The following CNGB3 variants were observed in gnomAD, a reference collection of about 807,000 sequenced individuals.
CNGB3 encodes cyclic nucleotide-gated channel beta-3.
CNGB3 carries 86 observed loss-of-function variants against 92.8 expected under a neutral mutation model. The observed-to-expected ratio is 0.93, with a 90% CI of 0.78 to 1.11. The LOEUF (loss-of-function observed/expected upper bound fraction) is 1.11. Among genes scored for constraint, CNGB3 ranks in the 50% least tolerant of loss-of-function variants. CNGB3 has a pLI of 0.00. For missense variants in CNGB3, 1,026 were observed against 956.8 expected (o/e 1.07, Z -0.95); for synonymous variants, 333 against 332.7 (o/e 1.00, Z -0.01).
At chr8:86,658,046 T>G in intron 6 of CNGB3, 2 of 537,246 alleles carry the variant, frequency 3.7e-6, no homozygotes, top group South Asian at 3.2e-5. Flanking sequence ...ATGAGCTCCA[T>G]AAAGTGGCTC....
In CNGB3 at chr8:86,668,087, A is replaced by C; in HGVS notation, c.575T>G (p.Val192Gly). The C allele has an allele frequency of 1.2e-6, 2 of 1,613,712 alleles. No individual in the cohort carries two copies. The highest frequency in any genetic ancestry group is 1.7e-6 in the Non-Finnish European group (2 of 1,179,890). The change falls in exon 5 of 18, where the codon GTC (valine) becomes GGC (glycine). Residue 192 changes from valine (V) to glycine (G), a missense_variant. Physicochemically the swap from Val to Gly is moderately radical, Grantham distance 109. Transcript: ENST00000320005. ...EHYYRLLWFK[V>G]KKMPLTEYLK... Reference sequence around the variant, plus strand: ...GTACTCTGTTAAAGGCATCTTTTTGACTTTGAACCACAACAGCCTGTAGTA... The same window carrying C: ...GTACTCTGTTAAAGGCATCTTTTTGCCTTTGAACCACAACAGCCTGTAGTA...
At chr8:86,643,933 T>C in intron 9 of CNGB3, 60 bp from the exon 10 acceptor site, 1 of 1,575,952 alleles carries the variant, frequency 6.3e-7, no homozygotes, top group Admixed American at 1.7e-5. Flanking sequence ...CAGCCTATTT[T>C]AACATTTTCT....
At chr8:86,608,483 T>C (rs1283142387) in intron 14 of CNGB3, among the ~76,000 whole-genome samples, 1 of 152,012 alleles carries the variant, frequency 6.6e-6, no homozygotes, top group Admixed American at 6.5e-5. Flanking sequence ...CCTGGGGGAG[T>C]TTAGAGAAGA....
chr8:86,684,860 A>G (rs1297564068), intron 3 of CNGB3, among the ~76,000 whole-genome samples: 4 of 152,170 alleles, frequency 2.6e-5, no homozygotes, highest in African/African-American at 7.2e-5. Flanking sequence ...ACAGTGCAAC[A>G]TGAGGGATCT....
intron 3 of CNGB3, among the ~76,000 whole-genome samples, chr8:86,674,068 T>A (rs1201181598): frequency 2.0e-5 from 3 of 152,238 alleles, no homozygotes; most frequent in African/African-American, 7.2e-5. Flanking sequence ...CACCCACTAC[T>A]TTTAACAATT....
intron 8 of CNGB3, among the ~76,000 whole-genome samples, chr8:86,646,391 C>T (rs537218449): frequency 1.3e-5 from 2 of 151,138 alleles, no homozygotes; most frequent in East Asian, 3.9e-4. Context: ...CTGAGGCCTA[C>T]CCAGTCAATC....
chr8:86,611,835 A>G (rs1159581448), intron 13 of CNGB3, among the ~76,000 whole-genome samples, 164 bp from the exon 14 acceptor site: 1 of 152,150 alleles, frequency 6.6e-6, no homozygotes, highest in Non-Finnish European at 1.5e-5. Context: ...ATTTAGAAAA[A>G]AAATACCTAT....
At chr8:86,628,799 A>T in intron 12 of CNGB3, 120 bp downstream of exon 12, 1 of 1,070,902 alleles carries the variant, frequency 9.3e-7, no homozygotes, top group Non-Finnish European at 1.4e-6. Context: ...CGAATGCTTT[A>T]AGGATCATTT....
At chr8:86,678,356 C>T (rs1188320556) in intron 3 of CNGB3, among the ~76,000 whole-genome samples, 2 of 152,144 alleles carry the variant, frequency 1.3e-5, no homozygotes, top group Non-Finnish European at 2.9e-5. Context: ...TATAACTCAA[C>T]CAAGTCTCAC....
chr8:86,604,122 C>T lies in CNGB3; in HGVS notation c.1752G>A (p.Leu584=), dbSNP rs1822366057. Residue 584 remains leucine (L), a synonymous_variant, in exon 15 of 18, where the codon CTG becomes CTA. Transcript: ENST00000320005. The part of the protein sequence containing the change: ...GPDGTKVLVT[L]KAGSVFGEIS... ...TTTCTCCAAACACCGACCCAGCTTT[C>T]AGAGTAACCAGAACTTTAGTACCAT... 5 of 1,613,002 alleles carry T rather than the reference C, an allele frequency of 3.1e-6. No homozygotes were observed. The South Asian group carries it at 5.5e-5, about 18-fold the overall frequency.
At chr8:86,694,977 A>G (rs1241559290) in intron 3 of CNGB3, among the ~76,000 whole-genome samples, 2 of 152,186 alleles carry the variant, frequency 1.3e-5, no homozygotes, top group African/African-American at 4.8e-5. Context: ...GCGAGCCGAG[A>G]TCACGCCACT....
intron 13 of CNGB3, among the ~76,000 whole-genome samples, chr8:86,615,883 T>G (rs950954042): frequency 6.6e-6 from 1 of 152,214 alleles, no homozygotes; most frequent in Admixed American, 6.5e-5. Context: ...GGAGAACTGA[T>G]GAAACTTCAA....
At chr8:86,591,628 G>A (rs1157685251) in intron 15 of CNGB3, among the ~76,000 whole-genome samples, 1 of 152,186 alleles carries the variant, frequency 6.6e-6, no homozygotes, top group Admixed American at 6.5e-5. Flanking sequence ...CCCTGCTGGA[G>A]GGTGCCTCCC....
At chr8:86,685,744 T>A (rs186223252) in intron 3 of CNGB3, among the ~76,000 whole-genome samples, 102 of 152,176 alleles carry the variant, frequency 6.7e-4, no homozygotes, top group African/African-American at 2.4e-3. Context: ...GAAGTGAAAA[T>A]AATTAGAACT....
intron 15 of CNGB3, chr8:86,594,506 C>T (rs1822126140): frequency 9.7e-6 from 3 of 308,446 alleles, no homozygotes; most frequent in Admixed American, 4.2e-5. Context: ...GCTCTGGAAG[C>T]CAGCCTTGTC....
intron 15 of CNGB3, among the ~76,000 whole-genome samples, chr8:86,592,335 C>T (rs1272529499): frequency 6.6e-6 from 1 of 152,254 alleles, no homozygotes; most frequent in African/African-American, 2.4e-5. Context: ...TAGACTGGAA[C>T]TGTTCCTATT....
intron 7 of CNGB3, among the ~76,000 whole-genome samples, chr8:86,653,584 A>G (rs1483772141): frequency 2.0e-5 from 3 of 152,206 alleles, no homozygotes; most frequent in African/African-American, 7.2e-5. Flanking sequence ...GGAACGTTCC[A>G]TGTTATCTAA....
Position 86,694,049 on chromosome 8 carries a change from G to A in CNGB3, c.339-22951C>T, listed in dbSNP as rs1306347296. Among the ~76,000 whole-genome samples, 13 of 133,104 alleles carry A rather than the reference G, an allele frequency of 9.8e-5. No individual in the cohort carries two copies. In the South Asian group the frequency reaches 1.1e-3, roughly 11 times the overall value. The allele number at this position is 133,104 out of a possible 152,430, so 87.3% of individuals were successfully genotyped here. A position where few individuals can be genotyped will look rare whatever the true frequency, so the allele number is the denominator to read the frequency against. ...CGGGCAGAGGCGCCCCTCACCTCCC[G>A]GACGGGGCGGCTGGCCGGGCGGGGG... On this transcript the variant is annotated intron_variant, in intron 3 of 17. Coordinates refer to ENST00000320005, the MANE Select transcript of CNGB3 (RefSeq NM_019098.5).
chr8:86,595,335 C>T (rs1585957422), intron 15 of CNGB3, among the ~76,000 whole-genome samples: 2 of 152,144 alleles, frequency 1.3e-5, no homozygotes, highest in African/African-American at 4.8e-5. Flanking sequence ...TCTGCTCTTC[C>T]AAATGGTGGC....
Sources: allele counts gnomAD v4.1 joint callset (sites outside exome capture counted in the v4.1 genomes callset), GRCh38; gene constraint gnomAD v4.1.1; transcripts MANE v1.5; gene names NCBI Gene and HGNC (gene_info 2026-07-23, HGNC 2026-07-21).